CLPTM1: variants seen among roughly 807,000 people sequenced by gnomAD.
The protein encoded by CLPTM1 is putative lipid scramblase CLPTM1.
CLPTM1 carries 21 observed loss-of-function variants against 77.3 expected under a neutral mutation model. The observed-to-expected ratio is 0.27, with a 90% CI of 0.19 to 0.39. CLPTM1 has a LOEUF of 0.39. Among genes scored for constraint, CLPTM1 ranks in the 10% least tolerant of loss-of-function variants. The pLI is 1.00. For synonymous variants in CLPTM1, 373 were observed against 381.0 expected (o/e 0.98, Z 0.24); for missense variants, 642 against 921.2 (o/e 0.70, Z 3.92).
Position 44,992,931 on chromosome 19 carries a change from C to A in CLPTM1, c.*34C>A. ...GGTCCTCACCTGCTCCGGCTCCTGGCGACCACTACCCCTGCGTCCCGGCCC... is the reference window on the plus strand; with the variant it reads ...GGTCCTCACCTGCTCCGGCTCCTGGAGACCACTACCCCTGCGTCCCGGCCC... On this transcript the variant is annotated 3_prime_UTR_variant, in exon 14 of 14. Coordinates refer to ENST00000337392, the MANE Select transcript of CLPTM1 (RefSeq NM_001294.4). This position sits in a 1 kb window ranked among gnomAD's most constrained non-coding sequence, Gnocchi z 7.7. The A allele has an allele frequency of 6.2e-7, 1 of 1,602,096 alleles. No individual in the cohort carries two copies. The highest frequency in any genetic ancestry group is 8.5e-7 in the Non-Finnish European group (1 of 1,175,370).
Position 44,990,215 on chromosome 19 carries a change from G to C in CLPTM1, c.1133-180G>C, listed in dbSNP as rs1032449093. On this transcript the variant is annotated intron_variant, in intron 9 of 13. Coordinates refer to ENST00000337392, the MANE Select transcript of CLPTM1 (RefSeq NM_001294.4). The surrounding 1 kb of genome is among the most constrained non-coding windows in gnomAD (Gnocchi z 4.8). ...AGGGGTGCCGCCTGTCTGGTGCTCTGGGGGTCACCCAATGAATATGAGAGC... is the reference window on the plus strand; with the variant it reads ...AGGGGTGCCGCCTGTCTGGTGCTCTCGGGGTCACCCAATGAATATGAGAGC... The C allele has an allele frequency of 4.8e-6, 3 of 628,568 alleles. No individual in the cohort carries two copies. The African/African-American group carries it at 5.5e-5, about 12-fold the overall frequency. The allele number at this position is 628,568 out of a possible 1,614,324, so 38.9% of individuals were successfully genotyped here.
intron 2 of CLPTM1, 71 bp from the exon 3 acceptor site, chr19:44,973,016 A>G: frequency 6.3e-7 from 1 of 1,581,486 alleles, no homozygotes; most frequent in Non-Finnish European, 8.6e-7. Flanking sequence ...CTAAGTCAGA[A>G]GGAAGTCAGG....
chr19:44,976,919 T>C (rs2122291975), intron 4 of CLPTM1, among the ~76,000 whole-genome samples: 1 of 152,310 alleles, frequency 6.6e-6, no homozygotes, highest in East Asian at 1.9e-4. Flanking sequence ...AGGAAGCTGT[T>C]GTCTGAAGTG....
intron 1 of CLPTM1, among the ~76,000 whole-genome samples, chr19:44,960,828 C>G (rs374627077): frequency 6.6e-6 from 1 of 152,204 alleles, no homozygotes; most frequent in East Asian, 1.9e-4. Context: ...CTCTGTGCCA[C>G]TGGTGCTCTT....
rs774534426 is a variant in CLPTM1 at position 44,974,471 on chromosome 19, C to G, written c.342C>G (p.His114Gln). 2 of 1,614,142 alleles carry G rather than the reference C, an allele frequency of 1.2e-6. No individual in the cohort carries two copies. The highest frequency in any genetic ancestry group is 1.7e-6 in the Non-Finnish European group (2 of 1,179,990). Residue 114 changes from histidine (H) to glutamine (Q), a missense_variant, in exon 4 of 14, where the codon CAC becomes CAG. Physicochemically the swap from His to Gln is conservative, Grantham distance 24 (BLOSUM62 0). This residue lies in a region of CLPTM1 where 521 missense variants were observed against 800.4 expected (regional missense o/e 0.65). Transcript: ENST00000337392. ...ATGTGTACATCTCAGAGCACGAGCA[C>G]TTTACAGACTTCAACGCCACGTCGG... ...NLHVYISEHE[H>Q]FTDFNATSAL...
chr19:44,981,220 C>G (rs1336615708), intron 5 of CLPTM1, among the ~76,000 whole-genome samples: 1 of 152,034 alleles, frequency 6.6e-6, no homozygotes, highest in Non-Finnish European at 1.5e-5. Flanking sequence ...TCTTGGCTCG[C>G]CACAGCCTCC....
chr19:44,964,218 T>G (rs1416623212), intron 2 of CLPTM1, among the ~76,000 whole-genome samples: 45 of 151,202 alleles, frequency 3.0e-4, no homozygotes, highest in Non-Finnish European at 1.5e-5. Flanking sequence ...CTTTAACATA[T>G]GAATTTTGGG....
chr19:44,955,201 G>A, upstream of CLPTM1: 2 of 1,532,032 alleles, frequency 1.3e-6, no homozygotes, highest in Non-Finnish European at 1.7e-6. Flanking sequence ...AAACGGGCTG[G>A]GAGAAAGACG....
rs144726721 is a variant in CLPTM1 at position 44,963,583 on chromosome 19, C to T, written c.185+1508C>T. ...CTCATGATCCGCCTGCCTTGGCCTC[C>T]CAAAGTGCTGCGATTACAGGTGTGA... On this transcript the variant is annotated intron_variant, in intron 2 of 13. Transcript: ENST00000337392. 6.0e-3 allele frequency among the ~76,000 whole-genome samples: 904 copies of T among 151,828 alleles called. 9 individuals are homozygous for T. Among genetic ancestry groups the T allele is most frequent in the African/African-American group, 0.021 (863 of 41,396 alleles).
Position 44,991,991 on chromosome 19 carries a change from G to A in CLPTM1, c.1556-242G>A, listed in dbSNP as rs941557114. Among the ~76,000 whole-genome samples the A allele has an allele frequency of 1.2e-4, 18 of 152,078 alleles. No individual in the cohort carries two copies. The highest frequency in any genetic ancestry group is 1.9e-4 in the African/African-American group (8 of 41,392). On this transcript the variant is annotated intron_variant, in intron 12 of 13. Transcript: ENST00000337392. This position sits in a 1 kb window ranked among gnomAD's most constrained non-coding sequence, Gnocchi z 5.4. ...GGAGGATGCACATTAATAGGGGTCC[G>A]GGGGCCCCTCTGAGGACAGGACATT...
At position 44,987,189 on chromosome 19, in the gene CLPTM1, C is replaced by T. The variant is rs142500092; in HGVS notation, c.804C>T (p.Phe268=). 424 of 1,609,034 alleles carry T rather than the reference C, an allele frequency of 2.6e-4. No homozygotes were observed. The highest frequency in any genetic ancestry group is 3.4e-4 in the Non-Finnish European group (400 of 1,175,950). The change falls in exon 8 of 14, where the codon TTC becomes TTT. Residue 268 remains phenylalanine, a synonymous_variant. Transcript: ENST00000337392. ...CCCCACGTGCTGCAGATGTGAAGTT[C>T]GACGCCGTGAGCGGTGACTACTATC... ...VPPPLDQYVK[F]DAVSGDYYPI... is the part of the protein sequence containing the mutation.
At chr19:44,975,197 G>A (rs1364504978) in intron 4 of CLPTM1, among the ~76,000 whole-genome samples, 1 of 152,164 alleles carries the variant, frequency 6.6e-6, no homozygotes, top group African/African-American at 2.4e-5. Flanking sequence ...GAGCACTCAG[G>A]CTTGGTTAAG....
At chr19:44,979,631 C>T (rs1970862235) in intron 5 of CLPTM1, among the ~76,000 whole-genome samples, 2 of 152,078 alleles carry the variant, frequency 1.3e-5, no homozygotes, top group African/African-American at 4.8e-5. Flanking sequence ...GAAAAGTTGA[C>T]TCTATGTGGG....
intron 5 of CLPTM1, among the ~76,000 whole-genome samples, chr19:44,978,062 A>G (rs915430990): frequency 6.6e-6 from 1 of 151,992 alleles, no homozygotes; most frequent in African/African-American, 2.4e-5. Flanking sequence ...GTGAGCCAGA[A>G]TCACACCACT....
At chr19:44,977,757 C>T (rs922753764) in intron 5 of CLPTM1, among the ~76,000 whole-genome samples, 4 of 152,164 alleles carry the variant, frequency 2.6e-5, no homozygotes, top group African/African-American at 9.7e-5. Context: ...AGACGTCCTT[C>T]ACCAAGGGGG....
intron 2 of CLPTM1, among the ~76,000 whole-genome samples, chr19:44,971,337 AAT>A (rs371301970): frequency 7.0e-5 from 9 of 128,128 alleles, no homozygotes; most frequent in Non-Finnish European, 1.6e-5. Flanking sequence ...ACAAATATAA[AAT>A]ATATTGATAT....
chr19:44,960,822 G>C (rs879928123), intron 1 of CLPTM1, among the ~76,000 whole-genome samples: 1 of 152,208 alleles, frequency 6.6e-6, no homozygotes, highest in Non-Finnish European at 1.5e-5. Flanking sequence ...GCCTTGCTCT[G>C]TGCCACTGGT....
At position 44,990,335 on chromosome 19, in the gene CLPTM1, C is replaced by T. The variant is rs1971049224; in HGVS notation, c.1133-60C>T. 21 of 1,551,818 alleles carry T rather than the reference C, an allele frequency of 1.4e-5. No homozygotes were observed. The highest frequency in any genetic ancestry group is 1.9e-5 in the Non-Finnish European group (21 of 1,133,930). ...TGCAGGCCAAGGGGGCCTGAGGGAG[C>T]TGCAGTAGGGTCTCAGCACCTCCTC... On this transcript the variant is annotated intron_variant, in intron 9 of 13. Transcript: ENST00000337392. This position sits in a 1 kb window ranked among gnomAD's most constrained non-coding sequence, Gnocchi z 4.8.
intron 2 of CLPTM1, among the ~76,000 whole-genome samples, chr19:44,971,835 A>G (rs1451991820): frequency 3.3e-5 from 5 of 149,544 alleles, no homozygotes; most frequent in African/African-American, 4.9e-5. Flanking sequence ...CTGGGATTAC[A>G]AGCATGAGCT....
Sources: gnomAD v4.1 joint callset for allele counts (sites outside exome capture counted in the v4.1 genomes callset) on GRCh38, gnomAD v4.1.1 for gene constraint, gnomAD v4.1.1 regional missense constraint, Gnocchi (gnomAD v3.1) non-coding constraint, MANE v1.5 for transcripts, NCBI Gene and HGNC (gene_info 2026-07-23, HGNC 2026-07-21) for gene names.